Variants in CDH13 observed in about 807,000 individuals in gnomAD.
CDH13 encodes the protein cadherin 13, also known as cadherin-13.
CDH13 carries 24 observed loss-of-function variants against 63.8 expected under a neutral mutation model. The observed-to-expected ratio is 0.38, with a 90% CI of 0.27 to 0.53. The LOEUF is 0.53. Ranked by LOEUF, CDH13 falls within the 20% of genes least tolerant of loss-of-function variation. CDH13 has a pLI of 0.85. For missense variants in CDH13, 1,049 were observed against 903.1 expected (o/e 1.16, Z -2.07); for synonymous variants, 503 against 355.3 (o/e 1.42, Z -4.67).
intron 1 of CDH13, among the ~76,000 whole-genome samples, chr16:82,647,086 A>T (rs1450375387): frequency 6.6e-6 from 1 of 152,228 alleles, no homozygotes; most frequent in African/African-American, 2.4e-5. Flanking sequence ...TACAGTTTGA[A>T]GCCCAGCTCT....
At chr16:83,495,180 G>C (rs909992672) in intron 7 of CDH13, among the ~76,000 whole-genome samples, 2 of 152,132 alleles carry the variant, frequency 1.3e-5, no homozygotes, top group African/African-American at 4.8e-5. Flanking sequence ...ATATGCCCAA[G>C]GTGGTCGGGC....
chr16:83,356,212 ATGTGTGTGTGTG>A (rs10525181), intron 6 of CDH13, among the ~76,000 whole-genome samples: 1,516 of 138,728 alleles, frequency 0.011, 18 homozygotes, highest in African/African-American at 0.025. Flanking sequence ...ATTTATTTTC[ATGTGTGTGTGTG>A]TGTGTGTGTG....
At chr16:83,421,580 C>A (rs375262024) in intron 6 of CDH13, among the ~76,000 whole-genome samples, 2 of 152,206 alleles carry the variant, frequency 1.3e-5, no homozygotes, top group Non-Finnish European at 2.9e-5. Flanking sequence ...GATTCATGAT[C>A]TTTTCTTCCA....
chr16:83,556,892 C>T (rs116514835), intron 7 of CDH13, among the ~76,000 whole-genome samples: 240 of 152,338 alleles, frequency 1.6e-3, no homozygotes, highest in African/African-American at 5.4e-3. Flanking sequence ...CCCTCCATCC[C>T]TGTGCCTCTG....
At chr16:83,608,699 G>A (rs2150759734) in intron 8 of CDH13, among the ~76,000 whole-genome samples, 1 of 148,892 alleles carries the variant, frequency 6.7e-6, no homozygotes, top group Middle Eastern at 3.4e-3. Flanking sequence ...GTAGAGGCGA[G>A]GTTCTGCCAT....
chr16:82,836,839 C>T (rs959931470), intron 1 of CDH13, among the ~76,000 whole-genome samples: 1 of 152,186 alleles, frequency 6.6e-6, no homozygotes, highest in African/African-American at 2.4e-5. Context: ...CCCACCTTTC[C>T]ATTCTCCAAG....
chr16:82,849,373 G>A (rs762703050), intron 1 of CDH13, among the ~76,000 whole-genome samples: 16 of 152,078 alleles, frequency 1.1e-4, no homozygotes, highest in Non-Finnish European at 7.4e-5. Context: ...GTGGTGGCAC[G>A]TACCTGTAAT....
At chr16:83,195,411 T>C (rs2038849986) in intron 4 of CDH13, among the ~76,000 whole-genome samples, 1 of 152,140 alleles carries the variant, frequency 6.6e-6, no homozygotes, top group African/African-American at 2.4e-5. Flanking sequence ...CAGCTTCTGC[T>C]TCTGGGATGG....
At chr16:83,580,180 A>T (rs1905430277) in intron 7 of CDH13, among the ~76,000 whole-genome samples, 1 of 152,126 alleles carries the variant, frequency 6.6e-6, no homozygotes, top group South Asian at 2.1e-4. Flanking sequence ...GCAAGGTTGT[A>T]GAGAAGTGTA....
At chr16:83,550,792 G>T (rs1415647220) in intron 7 of CDH13, among the ~76,000 whole-genome samples, 1 of 152,024 alleles carries the variant, frequency 6.6e-6, no homozygotes, top group Admixed American at 6.5e-5. Flanking sequence ...TGAATGAGTT[G>T]GAAGCTGCCT....
intron 2 of CDH13, among the ~76,000 whole-genome samples, chr16:83,012,988 T>C (rs915488929): frequency 3.3e-5 from 5 of 152,212 alleles, no homozygotes; most frequent in African/African-American, 4.8e-5. Context: ...TTGTGGTTAA[T>C]CATGGAACTG....
At chr16:83,005,662 C>G (rs983956638) in intron 2 of CDH13, among the ~76,000 whole-genome samples, 1 of 152,250 alleles carries the variant, frequency 6.6e-6, no homozygotes, top group Non-Finnish European at 1.5e-5. Context: ...GTGTCAAATT[C>G]TCATCACAGC....
rs576108073 is a variant in CDH13 at position 82,993,089 on chromosome 16, C to A, written c.158-38921C>A. Among the ~76,000 whole-genome samples the A allele has an allele frequency of 2.6e-5, 4 of 152,206 alleles. No homozygotes were observed. In the South Asian group the frequency reaches 8.3e-4, roughly 32 times the overall value. ...CTTACCAGGCCCTATCTTCTGATTCCACCTTTGATCTTAGGTAGGTTAATT... is the reference window on the plus strand; with the variant it reads ...CTTACCAGGCCCTATCTTCTGATTCAACCTTTGATCTTAGGTAGGTTAATT... On this transcript the variant is annotated intron_variant, in intron 2 of 13. Coordinates refer to ENST00000567109, the MANE Select transcript of CDH13 (RefSeq NM_001257.5).
intron 3 of CDH13, among the ~76,000 whole-genome samples, chr16:83,051,673 C>G (rs915149705): frequency 1.6e-4 from 24 of 152,200 alleles, no homozygotes; most frequent in African/African-American, 5.3e-4. Flanking sequence ...CCACTTAGAG[C>G]AAGATCTCTT....
intron 5 of CDH13, among the ~76,000 whole-genome samples, chr16:83,233,551 T>G (rs1203210004): frequency 6.6e-6 from 1 of 152,192 alleles, no homozygotes; most frequent in East Asian, 1.9e-4. Context: ...AGAGCTGGCT[T>G]CTTCTGGAAG....
intron 2 of CDH13, among the ~76,000 whole-genome samples, chr16:82,957,368 C>G (rs916466279): frequency 9.9e-5 from 15 of 152,080 alleles, no homozygotes; most frequent in South Asian, 6.2e-4. Context: ...CATGGCAATC[C>G]TGGCAGGGTT....
intron 1 of CDH13, among the ~76,000 whole-genome samples, chr16:82,660,508 A>C (rs1459196011): frequency 6.6e-6 from 1 of 152,176 alleles, no homozygotes; most frequent in Non-Finnish European, 1.5e-5. Context: ...CATCTAACAG[A>C]GGCACAGGGA....
chr16:82,896,276 A>ATTTTGTTTTT (rs2041253849), intron 2 of CDH13, among the ~76,000 whole-genome samples: 1 of 87,816 alleles, frequency 1.1e-5, no homozygotes, highest in East Asian at 7.0e-4. Flanking sequence ...TAGGATTAGG[A>ATTTTGTTTTT]TTTTTTTTTT....
At chr16:83,493,716 A>G (rs1244920418) in intron 7 of CDH13, among the ~76,000 whole-genome samples, 1 of 152,240 alleles carries the variant, frequency 6.6e-6, no homozygotes, top group African/African-American at 2.4e-5. Context: ...TCAAACGATT[A>G]TAGCTATATC....
Sources: allele counts gnomAD v4.1 joint callset (sites outside exome capture counted in the v4.1 genomes callset), GRCh38; gene constraint gnomAD v4.1.1; transcripts MANE v1.5; gene names NCBI Gene and HGNC (gene_info 2026-07-23, HGNC 2026-07-21).